EGF: variants seen among roughly 807,000 people sequenced by gnomAD.
EGF encodes the protein epidermal growth factor.
Under a neutral mutation model 143.8 loss-of-function variants are expected in EGF, and 95 were observed. That is an observed-to-expected ratio of 0.66 (90% CI 0.56 to 0.78). The LOEUF is 0.78. EGF is among the 30% of genes least tolerant of loss of function. The pLI is 0.00. For missense variants in EGF, 1,320 were observed against 1,470.9 expected (o/e 0.90, Z 1.68); for synonymous variants, 510 against 510.5 (o/e 1.00, Z 0.01).
intron 1 of EGF, 196 bp from the exon 2 acceptor site, chr4:109,940,750 G>A: frequency 1.7e-6 from 1 of 590,226 alleles, no homozygotes; most frequent in Admixed American, 3.0e-5. Flanking sequence ...TAATCAGTTT[G>A]TGGAGAAGAC....
chr4:109,926,181 A>T (rs1352292852), intron 1 of EGF, among the ~76,000 whole-genome samples: 2 of 152,022 alleles, frequency 1.3e-5, no homozygotes, highest in African/African-American at 2.4e-5. Flanking sequence ...AGGAGACCCT[A>T]TCTCTACAAA....
intron 1 of EGF, among the ~76,000 whole-genome samples, chr4:109,932,979 C>T (rs528429412): frequency 4.6e-5 from 7 of 152,300 alleles, no homozygotes; most frequent in Non-Finnish European, 1.0e-4. Flanking sequence ...TCCCTGGGTT[C>T]AAATCCAAGC....
intron 3 of EGF, 106 bp downstream of exon 3, chr4:109,943,541 G>A (rs1465086832): frequency 3.1e-6 from 4 of 1,291,314 alleles, no homozygotes; most frequent in Non-Finnish European, 4.4e-6. Flanking sequence ...TGAGACCAAA[G>A]CCCTCTTTTG....
chr4:109,993,044 T>C (rs1222692628), intron 18 of EGF, among the ~76,000 whole-genome samples: 2 of 151,464 alleles, frequency 1.3e-5, no homozygotes, highest in Admixed American at 6.5e-5. Context: ...CATGTATACA[T>C]ATGTAACAAA....
At chr4:109,967,354 C>A (rs1460751916) in intron 10 of EGF, among the ~76,000 whole-genome samples, 1 of 152,080 alleles carries the variant, frequency 6.6e-6, no homozygotes, top group Admixed American at 6.6e-5. Context: ...TGGTTGTAGG[C>A]ATATGACTTT....
rs867461162 is a variant in EGF, at chr4:109,969,018, G to A, written c.1623G>A (p.Met541Ile). The part of the protein sequence containing the change: ...TALKWIERAN[M>I]DGSQRERLIE... The stretch of plus-strand genomic sequence containing the variant: ...TGAAGTGGATAGAGAGAGCTAATAT[G>A]GATGGTTCCCAGCGAGAAAGGCTTA... Residue 541 changes from methionine (M) to isoleucine (I), a missense_variant, in exon 11 of 24, where the codon ATG becomes ATA. Around this residue, in one of 5 missense-constraint regions of EGF, gnomAD observed 1,186 missense variants for 1,313.7 expected, o/e 0.90. Transcript: ENST00000265171. The A allele has an allele frequency of 4.3e-6, 7 of 1,614,048 alleles. No homozygotes were observed. The highest frequency in any genetic ancestry group is 5.9e-6 in the Non-Finnish European group (7 of 1,180,020).
chr4:109,968,711 C>CTATCTATCTATCTATCTAT (rs10657057), intron 10 of EGF: 62 of 297,372 alleles, frequency 2.1e-4, no homozygotes, highest in Admixed American at 2.8e-4. Flanking sequence ...TATCTATCTA[C>CTATCTATCTATCTATCTAT]CTACCTACCT....
rs10434002 is a variant in EGF, at chr4:109,971,416, C to T, written c.1724+2297C>T. Among the ~76,000 whole-genome samples, 2,219 of 152,222 alleles carry T rather than the reference C, an allele frequency of 0.015. 221 individuals are homozygous for T. The East Asian group carries it at 0.24, about 17-fold the overall frequency. Reference sequence around the variant, plus strand: ...ACATGGTTGTTCTCAGGAGGGTAAACGATGATCAAAATGGCAGATGTCAAC... The same window carrying T: ...ACATGGTTGTTCTCAGGAGGGTAAATGATGATCAAAATGGCAGATGTCAAC... On this transcript the variant is annotated intron_variant, in intron 11 of 23. Transcript: ENST00000265171.
intron 11 of EGF, among the ~76,000 whole-genome samples, chr4:109,972,105 T>C (rs1451176601): frequency 9.2e-5 from 14 of 151,696 alleles, no homozygotes. Flanking sequence ...AGAAGGAGGG[T>C]GAGTTTTTCT....
chr4:109,947,515 C>T (rs1743061185), intron 5 of EGF, among the ~76,000 whole-genome samples: 1 of 152,048 alleles, frequency 6.6e-6, no homozygotes, highest in Admixed American at 6.6e-5. Context: ...TAAATAGCAA[C>T]AACCTAGTGG....
At chr4:110,009,341 G>C (rs1317611986) in intron 23 of EGF, among the ~76,000 whole-genome samples, 1 of 152,038 alleles carries the variant, frequency 6.6e-6, no homozygotes, top group Non-Finnish European at 1.5e-5. Context: ...TATTGTTATT[G>C]GTAGCACTAT....
rs1226833465 is a variant in EGF, at chr4:109,962,127, A to G, written c.1312+142A>G. 1.4e-5 allele frequency: 20 copies of G among 1,399,042 alleles called. No individual in the cohort carries two copies. In the South Asian group the frequency reaches 2.0e-4, roughly 14 times the overall value. 86.7% of individuals were successfully genotyped at this position (1,399,042 alleles called of 1,614,324 possible). On this transcript the variant is annotated intron_variant, in intron 8 of 23. Coordinates refer to ENST00000265171, the MANE Select transcript of EGF (RefSeq NM_001963.6). ...AAAGATATTGTTACAACAGATTAACATAGATTTAAATTTAGTATTTTTGGG... is the reference window on the plus strand; with the variant it reads ...AAAGATATTGTTACAACAGATTAACGTAGATTTAAATTTAGTATTTTTGGG...
At chr4:109,966,476 G>C (rs893579864) in intron 10 of EGF, among the ~76,000 whole-genome samples, 1 of 152,060 alleles carries the variant, frequency 6.6e-6, no homozygotes, top group Non-Finnish European at 1.5e-5. Context: ...CCATGACTTT[G>C]CTATATGAAT....
At chr4:109,968,461 T>G (rs567981839) in intron 10 of EGF, among the ~76,000 whole-genome samples, 35 of 152,130 alleles carry the variant, frequency 2.3e-4, no homozygotes, top group African/African-American at 8.0e-4. Context: ...ATTGCCCCCT[T>G]TCAGAAGCCA....
intron 1 of EGF, among the ~76,000 whole-genome samples, chr4:109,939,599 C>A (rs1321798562): frequency 6.6e-6 from 1 of 152,172 alleles, no homozygotes; most frequent in Non-Finnish European, 1.5e-5. Context: ...GTTGGAAATG[C>A]AGAAATCACC....
chr4:110,006,426 T>C (rs968398904), intron 22 of EGF, among the ~76,000 whole-genome samples: 1 of 152,190 alleles, frequency 6.6e-6, no homozygotes, highest in Non-Finnish European at 1.5e-5. Context: ...CTTTAACCTA[T>C]GCAGACTTCT....
intron 21 of EGF, chr4:110,004,267 C>T: frequency 1.8e-6 from 1 of 547,822 alleles, no homozygotes; most frequent in South Asian, 1.9e-5. Flanking sequence ...CACACACACC[C>T]TCTACCTCAC....
intron 16 of EGF, among the ~76,000 whole-genome samples, chr4:109,985,025 C>A (rs573655364): frequency 6.6e-6 from 1 of 152,206 alleles, no homozygotes; most frequent in African/African-American, 2.4e-5. Flanking sequence ...TGTAGAGAAC[C>A]TTTGCAAAGT....
Position 109,918,255 on chromosome 4 carries a change from G to GTT in EGF, c.127+4808_127+4809dup, listed in dbSNP as rs36009201. Reference sequence around the variant, plus strand: ...TCCTTTCTCTTGATTGCTAGGTGTGGTTTTTTTTTTTTTTTTAAATTTCAA... The same window carrying GTT: ...TCCTTTCTCTTGATTGCTAGGTGTGGTTTTTTTTTTTTTTTTTTAAATTTCAA... On this transcript the variant is annotated intron_variant, in intron 1 of 23. Coordinates refer to ENST00000265171, the MANE Select transcript of EGF (RefSeq NM_001963.6). Among the ~76,000 whole-genome samples the GTT allele has an allele frequency of 3.8e-3, 540 of 143,444 alleles. 3 individuals carry two copies. Among genetic ancestry groups the GTT allele is most frequent in the African/African-American group, 0.01 (411 of 39,164 alleles). 94.1% of individuals were successfully genotyped at this position (143,444 alleles called of 152,430 possible).
Sources: gnomAD v4.1 joint callset for allele counts (sites outside exome capture counted in the v4.1 genomes callset) on GRCh38, gnomAD v4.1.1 for gene constraint, gnomAD v4.1.1 regional missense constraint, MANE v1.5 for transcripts, NCBI Gene and HGNC (gene_info 2026-07-23, HGNC 2026-07-21) for gene names.